The following NTRK1 variants were observed in gnomAD, a reference collection of about 807,000 sequenced individuals.
The protein encoded by NTRK1 is neurotrophic receptor tyrosine kinase 1, also known as high affinity nerve growth factor receptor.
A neutral mutation model predicts 86.8 loss-of-function variants in NTRK1; 62 were observed. The ratio of observed to expected loss-of-function variants is 0.71; its 90% CI spans 0.58 to 0.88. The LOEUF is 0.88. Ranked by LOEUF, NTRK1 falls within the 40% of genes least tolerant of loss-of-function variation. The pLI is 0.00. For synonymous variants in NTRK1, 469 were observed against 456.6 expected (o/e 1.03, Z -0.35); for missense variants, 967 against 1,078.4 (o/e 0.90, Z 1.45).
chr1:156,816,212 G>GA, intron 1 of NTRK1: 1 of 1,441,300 alleles, frequency 6.9e-7, no homozygotes, highest in Middle Eastern at 1.9e-4. Context: ...TTAACGACAG[G>GA]AAAAACGCAG....
intron 14 of NTRK1, among the ~76,000 whole-genome samples, chr1:156,878,707 G>A (rs1051875731): frequency 6.6e-5 from 10 of 152,166 alleles, no homozygotes; most frequent in African/African-American, 2.4e-4. Flanking sequence ...AGAGAGACAG[G>A]ACAATCAAGG....
intron 2 of NTRK1, chr1:156,853,688 C>T: frequency 6.7e-7 from 1 of 1,492,468 alleles, no homozygotes; most frequent in South Asian, 1.3e-5. Context: ...ATCCTGTGGC[C>T]ACCCAGCCCC....
chr1:156,843,344 C>T, intron 2 of NTRK1: 2 of 1,572,192 alleles, frequency 1.3e-6, no homozygotes, highest in South Asian at 2.2e-5. Flanking sequence ...CTATCTTCTG[C>T]AAGAAGGTCT....
At chr1:156,816,763 G>A in intron 1 of NTRK1, 1 of 1,504,090 alleles carries the variant, frequency 6.6e-7, no homozygotes, top group Non-Finnish European at 8.9e-7. Flanking sequence ...GTTCCGGAAA[G>A]GTGTGCACAC....
chr1:156,839,381 C>G (rs1048623397), intron 1 of NTRK1, among the ~76,000 whole-genome samples: 1 of 152,248 alleles, frequency 6.6e-6, no homozygotes, highest in Admixed American at 6.5e-5. Context: ...GAGTTCTGAG[C>G]CTTGGGCAGC....
chr1:156,874,512 G>A (rs1390973751), intron 9 of NTRK1, 59 bp from the exon 10 acceptor site: 1 of 1,610,566 alleles, frequency 6.2e-7, no homozygotes, highest in Non-Finnish European at 8.5e-7. Context: ...AGGGTTGGGG[G>A]GTTACTGGAG....
chr1:156,876,329 G>C (rs747581670), intron 13 of NTRK1, 71 bp from the exon 14 acceptor site: 1 of 1,608,388 alleles, frequency 6.2e-7, no homozygotes, highest in Non-Finnish European at 8.5e-7. Flanking sequence ...CGGGGTGGGC[G>C]GGCTGCCCTG....
chr1:156,868,742 A>C, intron 6 of NTRK1, 95 bp downstream of exon 6: 1 of 1,502,992 alleles, frequency 6.7e-7, no homozygotes, highest in Non-Finnish European at 9.0e-7. Flanking sequence ...GGAAAGAGAC[A>C]ACGAATAAGG....
At chr1:156,872,283 C>T (rs559930550) in intron 7 of NTRK1, among the ~76,000 whole-genome samples, 1 of 152,232 alleles carries the variant, frequency 6.6e-6, no homozygotes, top group South Asian at 2.1e-4. Context: ...CGGAAGATCC[C>T]CCACCACCCA....
At chr1:156,821,603 C>G (rs1215171414) in intron 1 of NTRK1, among the ~76,000 whole-genome samples, 1 of 151,986 alleles carries the variant, frequency 6.6e-6, no homozygotes, top group Non-Finnish European at 1.5e-5. Context: ...GGACCAAGCT[C>G]AGAGTGGTGA....
intron 1 of NTRK1, among the ~76,000 whole-genome samples, chr1:156,832,525 A>G (rs1654491099): frequency 6.6e-6 from 1 of 152,148 alleles, no homozygotes. Context: ...GGTGATTCTC[A>G]AGATATATGG....
chr1:156,868,626 G>T lies in NTRK1; in HGVS notation c.696G>T (p.Leu232=). 1 of 1,551,006 alleles carries T rather than the reference G, an allele frequency of 6.4e-7. No individual in the cohort carries two copies. Among genetic ancestry groups the T allele is most frequent in the Non-Finnish European group, 8.7e-7 (1 of 1,147,028 alleles). ...AGGCCGGCTGGATCCTCACAGAGCT[G>T]GAGCAGTCAGCCACGGTGATGGTGA... is the stretch of plus-strand genomic sequence containing the variant. ...LEQAGWILTE[L]EQSATVMKSG... is the part of the protein sequence containing the mutation. The change falls in exon 6 of 17, where the codon CTG becomes CTT. Residue 232 remains leucine (L), a synonymous_variant. Transcript: ENST00000524377.
intron 14 of NTRK1, among the ~76,000 whole-genome samples, chr1:156,878,592 T>A (rs2102922895): frequency 6.6e-6 from 1 of 152,286 alleles, no homozygotes; most frequent in East Asian, 1.9e-4. Flanking sequence ...GATGAGTGAC[T>A]AGGACTGACC....
intron 1 of NTRK1, among the ~76,000 whole-genome samples, chr1:156,832,663 G>T (rs1654495000): frequency 6.6e-6 from 1 of 152,210 alleles, no homozygotes; most frequent in Non-Finnish European, 1.5e-5. Context: ...AGGCTCGAGA[G>T]ATGAAGCCTA....
rs1303184108 is a variant in NTRK1, at chr1:156,876,597, G to A, written c.1805+25G>A. 30 of 1,599,004 alleles carry A rather than the reference G, an allele frequency of 1.9e-5. No individual in the cohort carries two copies. In the Admixed American group the frequency reaches 5.0e-4, roughly 27 times the overall value. On this transcript the variant is annotated intron_variant, in intron 14 of 16. Coordinates refer to ENST00000524377, the MANE Select transcript of NTRK1 (RefSeq NM_002529.4). ...GGTACCAGCACCTGGCCTCAGCGCT[G>A]GCCCCGGCCCCTGGCTCTGGGCCCC...
At chr1:156,865,483 G>A (rs867927657) in intron 3 of NTRK1, among the ~76,000 whole-genome samples, 1 of 152,208 alleles carries the variant, frequency 6.6e-6, no homozygotes, top group Non-Finnish European at 1.5e-5. Context: ...AGCTCAGGCG[G>A]TAATGCTCAC....
chr1:156,831,437 C>T (rs1480188183), intron 1 of NTRK1, among the ~76,000 whole-genome samples: 2 of 152,144 alleles, frequency 1.3e-5, no homozygotes, highest in Admixed American at 1.3e-4. Context: ...GGGATGGAGC[C>T]CCGCAGCAGC....
intron 1 of NTRK1, among the ~76,000 whole-genome samples, chr1:156,862,168 C>A (rs1361155048): frequency 6.6e-6 from 1 of 152,140 alleles, no homozygotes; most frequent in Non-Finnish European, 1.5e-5. Context: ...TGAGGATCAT[C>A]ACTGTCTGGA....
Position 156,881,598 on chromosome 1 carries a change from G to A in NTRK1, c.2347G>A (p.Ala783Thr). The change falls in exon 17 of 17, where the codon GCC (alanine) becomes ACC (threonine). Residue 783 changes from alanine to threonine, a missense_variant. This residue lies in a region of NTRK1 where 637 missense variants were observed against 776.5 expected (regional missense o/e 0.82). Transcript: ENST00000524377. Reference sequence around the variant, plus strand: ...CAAGGATGTGCACGCCCGGCTGCAAGCCCTGGCCCAGGCACCTCCTGTCTA... The same window carrying A: ...CAAGGATGTGCACGCCCGGCTGCAAACCCTGGCCCAGGCACCTCCTGTCTA... ...SIKDVHARLQ[A>T]LAQAPPVYLD... The A allele has an allele frequency of 6.2e-7, 1 of 1,611,322 alleles. No individual in the cohort carries two copies.
Sources: gnomAD v4.1 joint callset for allele counts (sites outside exome capture counted in the v4.1 genomes callset) on GRCh38, gnomAD v4.1.1 for gene constraint, gnomAD v4.1.1 regional missense constraint, MANE v1.5 for transcripts, NCBI Gene and HGNC (gene_info 2026-07-23, HGNC 2026-07-21) for gene names.